Variants in SIM2 observed in about 807,000 individuals in gnomAD.
SIM2 encodes the protein SIM bHLH transcription factor 2, also known as single-minded homolog 2.
SIM2 carries 28 observed loss-of-function variants against 64.8 expected under a neutral mutation model. The observed-to-expected ratio is 0.43, with a 90% CI of 0.32 to 0.59. The LOEUF (loss-of-function observed/expected upper bound fraction) is 0.59, where lower values mean the gene tolerates loss of function less well. SIM2 is among the 20% of genes least tolerant of loss of function. The pLI is 0.07. For missense variants in SIM2, 847 were observed against 871.4 expected (o/e 0.97, Z 0.35); for synonymous variants, 408 against 391.1 (o/e 1.04, Z -0.51).
At chr21:36,724,345 C>T (rs1246336279) in intron 5 of SIM2, among the ~76,000 whole-genome samples, 1 of 152,238 alleles carries the variant, frequency 6.6e-6, no homozygotes, top group Non-Finnish European at 1.5e-5. Context: ...GTGGTGCAAT[C>T]ACAGCTCACT....
At chr21:36,743,584 T>C in intron 9 of SIM2, 29 bp downstream of exon 9, 1 of 1,604,614 alleles carries the variant, frequency 6.2e-7, no homozygotes, top group Non-Finnish European at 8.5e-7. Context: ...AGTTTTGGGG[T>C]GCTGACATCT....
chr21:36,748,095 C>A lies in SIM2; in HGVS notation c.*3C>A. 8.3e-7 allele frequency: 1 copy of A among 1,200,936 alleles called. No homozygotes were observed. Among genetic ancestry groups the A allele is most frequent in the South Asian group, 4.1e-5 (1 of 24,552 alleles). The allele number at this position is 1,200,936 out of a possible 1,614,324, so 74.4% of individuals were successfully genotyped here. ...TCATCATCACCAACGGGAGGTGACC[C>A]GCTGGCCGCCCGCGCCAGGAGCCTG... is the stretch of plus-strand genomic sequence containing the variant. On this transcript the variant is annotated 3_prime_UTR_variant, in exon 11 of 11. Transcript: ENST00000290399.
chr21:36,738,001 G>GA (rs1483682591), intron 7 of SIM2, among the ~76,000 whole-genome samples: 1 of 61,472 alleles, frequency 1.6e-5, no homozygotes, highest in Non-Finnish European at 4.4e-5. Flanking sequence ...AAAGCAAAAA[G>GA]AAAAAAGCAT....
intron 7 of SIM2, among the ~76,000 whole-genome samples, chr21:36,736,705 G>T (rs544568114): frequency 6.7e-6 from 1 of 149,870 alleles, no homozygotes; most frequent in Non-Finnish European, 1.5e-5. Flanking sequence ...ATATTCCCCA[G>T]AACTAACTTC....
chr21:36,711,641 T>C (rs1025609804), intron 2 of SIM2, among the ~76,000 whole-genome samples: 1 of 152,222 alleles, frequency 6.6e-6, no homozygotes, highest in African/African-American at 2.4e-5. Context: ...AGAAATTAAT[T>C]TGGAATATTT....
intron 7 of SIM2, among the ~76,000 whole-genome samples, chr21:36,731,733 G>A (rs371413093): frequency 6.6e-6 from 1 of 152,190 alleles, no homozygotes; most frequent in Non-Finnish European, 1.5e-5. Context: ...ACCATTCCAC[G>A]ATGGGAGAGG....
chr21:36,724,921 G>A (rs1433569100), intron 5 of SIM2, among the ~76,000 whole-genome samples: 3 of 152,236 alleles, frequency 2.0e-5, no homozygotes, highest in African/African-American at 4.8e-5. Context: ...CTGCATTCTT[G>A]TCTGTATGGC....
intron 1 of SIM2, among the ~76,000 whole-genome samples, chr21:36,700,960 G>T (rs552361027): frequency 7.2e-5 from 11 of 152,374 alleles, no homozygotes; most frequent in Admixed American, 3.9e-4. Flanking sequence ...GGTTGCCGCT[G>T]GTGACAGTGG....
chr21:36,744,787 C>T lies in SIM2; in HGVS notation c.1227C>T (p.Ala409=). 1 of 1,613,508 alleles carries T rather than the reference C, an allele frequency of 6.2e-7. No individual in the cohort carries two copies. The highest frequency in any genetic ancestry group is 8.5e-7 in the Non-Finnish European group (1 of 1,179,726). The change falls in exon 10 of 11, where the codon GCC becomes GCT. Residue 409 remains alanine (A), a synonymous_variant. Transcript: ENST00000290399. The part of the protein sequence containing the change: ...LECGQLGNWR[A]SPPASAAAPP... ...GCGGCCAGCTCGGAAACTGGAGAGC[C>T]AGTCCCCCTGCAAGCGCTGCTGCTC...
chr21:36,699,525 G>A lies in SIM2; in HGVS notation c.-222G>A, dbSNP rs951439157. The stretch of plus-strand genomic sequence containing the variant: ...TCCAGCCCGGAGGAGGCTGCGCTCC[G>A]GGCAGCGGCGGGCGGCGCCGCCGGG... On this transcript the variant is annotated 5_prime_UTR_variant, in exon 1 of 11. Coordinates refer to ENST00000290399, the MANE Select transcript of SIM2 (RefSeq NM_005069.6). The surrounding 1 kb of genome is among the most constrained non-coding windows in gnomAD (Gnocchi z 5.6). 4 of 367,900 alleles carry A rather than the reference G, an allele frequency of 1.1e-5. No homozygotes were observed. Among genetic ancestry groups the A allele is most frequent in the Admixed American group, 1.0e-4 (2 of 19,786 alleles). The allele number at this position is 367,900 out of a possible 1,614,324, so 22.8% of individuals were successfully genotyped here.
chr21:36,731,282 C>CA, intron 7 of SIM2, 131 bp downstream of exon 7: 2 of 641,764 alleles, frequency 3.1e-6, no homozygotes. Flanking sequence ...TCTCAAGCCC[C>CA]AAGTGTGGCT....
chr21:36,731,958 C>T (rs1229643606), intron 7 of SIM2, among the ~76,000 whole-genome samples: 1 of 152,188 alleles, frequency 6.6e-6, no homozygotes, highest in Non-Finnish European at 1.5e-5. Flanking sequence ...ACTTGGCTCA[C>T]TGCAACCTCC....
At chr21:36,732,929 C>T (rs2088990401) in intron 7 of SIM2, among the ~76,000 whole-genome samples, 3 of 152,126 alleles carry the variant, frequency 2.0e-5, no homozygotes, top group Non-Finnish European at 2.9e-5. Context: ...GCATTTGCCT[C>T]GAGGGCATAG....
chr21:36,744,060 C>T (rs2089197080), intron 9 of SIM2, among the ~76,000 whole-genome samples: 1 of 152,102 alleles, frequency 6.6e-6, no homozygotes, highest in South Asian at 2.1e-4. Context: ...TCCAGCCTGG[C>T]CAACATGGTG....
chr21:36,744,984 TGGCAC>T lies in SIM2; in HGVS notation c.1426_1430del (p.Ala476LeufsTer11), dbSNP rs771187646. 3.7e-6 allele frequency: 6 copies of T among 1,614,226 alleles called. No individual in the cohort carries two copies. Among genetic ancestry groups the T allele is most frequent in the Middle Eastern group, 1.6e-4 (1 of 6,062 alleles). ...CAGCCCCAAGGATCCCCTTGTGAGG[TGGCAC>T]GCTTTTTCCTGAGCACACTGCCAGC... is the stretch of plus-strand genomic sequence containing the variant. On this transcript the variant is annotated frameshift_variant, in exon 10 of 11. Transcript: ENST00000290399. LOFTEE classifies it high-confidence loss of function.
At chr21:36,719,185 T>A (rs1367252045) in intron 3 of SIM2, among the ~76,000 whole-genome samples, 3 of 152,226 alleles carry the variant, frequency 2.0e-5, no homozygotes, top group Non-Finnish European at 2.9e-5. Context: ...GCCACAGAAT[T>A]AGCACAGTCA....
At position 36,736,391 on chromosome 21, in the gene SIM2, T is replaced by C. The variant is rs569664496; in HGVS notation, c.850+5240T>C. On this transcript the variant is annotated intron_variant, in intron 7 of 10. Transcript: ENST00000290399. ...CAGAGGCCTGATTGGAGGTAAGAGG[T>C]GGTGGTCCGGGAGGGCCAGACAGCC... 2.2e-3 allele frequency among the ~76,000 whole-genome samples: 334 copies of C among 152,144 alleles called. 1 individual carries two copies. Among genetic ancestry groups the C allele is most frequent in the African/African-American group, 7.3e-3 (303 of 41,498 alleles).
intron 7 of SIM2, among the ~76,000 whole-genome samples, chr21:36,733,381 C>T (rs369807364): frequency 2.6e-4 from 40 of 151,562 alleles, no homozygotes; most frequent in African/African-American, 8.2e-4. Context: ...CCCACCACCA[C>T]GCCTGGCTAA....
rs1337431081 is a variant in SIM2 at position 36,733,783 on chromosome 21, A to G, written c.850+2632A>G. Among the ~76,000 whole-genome samples the G allele has an allele frequency of 2.0e-5, 3 of 151,842 alleles. No homozygotes were observed. In the East Asian group the frequency reaches 5.8e-4, roughly 30 times the overall value. Reference sequence around the variant, plus strand: ...TCACCGTGTTAGCCAGGATGGTCTCAATCTCCTGACCTCGTGATCCGCCCG... The same window carrying G: ...TCACCGTGTTAGCCAGGATGGTCTCGATCTCCTGACCTCGTGATCCGCCCG... On this transcript the variant is annotated intron_variant, in intron 7 of 10. Transcript: ENST00000290399.
Sources: gnomAD v4.1 joint callset for allele counts (sites outside exome capture counted in the v4.1 genomes callset) on GRCh38, gnomAD v4.1.1 for gene constraint, Gnocchi (gnomAD v3.1) non-coding constraint, MANE v1.5 for transcripts, NCBI Gene and HGNC (gene_info 2026-07-23, HGNC 2026-07-21) for gene names.